The following NCKAP1 variants were observed in gnomAD, a reference collection of about 807,000 sequenced individuals.
The protein encoded by NCKAP1 is nck-associated protein 1.
Under a neutral mutation model 151.2 loss-of-function variants are expected in NCKAP1, and 21 were observed. The observed-to-expected ratio is 0.14, with a 90% confidence interval of 0.10 to 0.20. The LOEUF (loss-of-function observed/expected upper bound fraction) is 0.20. Ranked by LOEUF, NCKAP1 falls within the 10% of genes least tolerant of loss-of-function variation. NCKAP1 has a pLI of 1.00. For missense variants in NCKAP1, 933 were observed against 1,352.1 expected, an observed-to-expected ratio of 0.69 and a Z score of 4.86; for synonymous variants, 484 against 451.8, an observed-to-expected ratio of 1.07 and a Z score of -0.90.
At position 182,956,563 on chromosome 2, in the gene NCKAP1, C is replaced by T; in HGVS notation, c.2052G>A (p.Glu684=). Residue 684 remains glutamate, a synonymous_variant, in exon 20 of 31, where the codon GAG becomes GAA. Transcript: ENST00000361354. ...GTACATAATTTATAGAGAAGCATAA[C>T]TCAGAAAGTGCAGTGTGCAATTTAT... ...NLDKLHTALS[E]LCFSINYVPN... 2 of 1,608,448 alleles carry T rather than the reference C, an allele frequency of 1.2e-6. No individual in the cohort carries two copies. Among genetic ancestry groups the T allele is most frequent in the Non-Finnish European group, 1.7e-6 (2 of 1,177,610 alleles).
chr2:182,928,910 AAAATT>A lies in NCKAP1; in HGVS notation c.2954-16_2954-12del, dbSNP rs1469801545. On this transcript the variant is annotated splice_polypyrimidine_tract_variant and intron_variant, in intron 27 of 30. Transcript: ENST00000361354. ...CTGGACTAATGTTTTCTAAGAGACA[AAAATT>A]AAGAATAAAATCAAGGTATTTCTTC... 6.6e-7 allele frequency: 1 copy of A among 1,509,660 alleles called. No individual in the cohort carries two copies. Among genetic ancestry groups the A allele is most frequent in the South Asian group, 1.2e-5 (1 of 86,406 alleles). 93.5% of individuals were successfully genotyped at this position (1,509,660 alleles called of 1,614,324 possible).
chr2:182,969,631 T>C (rs1697645430), intron 15 of NCKAP1, among the ~76,000 whole-genome samples: 1 of 151,664 alleles, frequency 6.6e-6, no homozygotes, highest in African/African-American at 2.4e-5. Flanking sequence ...CCAAAACCTA[T>C]GGGATACAGC....
At chr2:182,976,776 T>C (rs1027268761) in intron 15 of NCKAP1, 117 bp downstream of exon 15, 1 of 488,228 alleles carries the variant, frequency 2.0e-6, no homozygotes, top group Non-Finnish European at 3.4e-6. Context: ...TTATGGTTAA[T>C]TATACAAAAG....
At chr2:182,939,963 A>C (rs1696962361) in intron 24 of NCKAP1, among the ~76,000 whole-genome samples, 1 of 152,240 alleles carries the variant, frequency 6.6e-6, no homozygotes, top group Non-Finnish European at 1.5e-5. Flanking sequence ...ATGAGTCACC[A>C]TTAATTATTA....
intron 26 of NCKAP1, among the ~76,000 whole-genome samples, chr2:182,933,949 A>G (rs79096460): frequency 0.054 from 8,252 of 152,242 alleles, 296 homozygotes; most frequent in Non-Finnish European, 0.08. Flanking sequence ...TAGATTTTCA[A>G]AACAAAAACT....
At chr2:183,001,928 CAT>C (rs1303412933) in intron 6 of NCKAP1, 23 bp downstream of exon 6, 1 of 1,581,358 alleles carries the variant, frequency 6.3e-7, no homozygotes, top group South Asian at 1.1e-5. Context: ...CCCATTCTCT[CAT>C]ATGCCTAACA....
intron 2 of NCKAP1, among the ~76,000 whole-genome samples, chr2:183,006,082 A>C (rs897037276): frequency 3.3e-5 from 5 of 152,224 alleles, no homozygotes; most frequent in African/African-American, 9.7e-5. Flanking sequence ...CATATCATAC[A>C]GTTCTGGACA....
chr2:182,950,030 G>A (rs189537741), intron 23 of NCKAP1, among the ~76,000 whole-genome samples: 1 of 152,314 alleles, frequency 6.6e-6, no homozygotes, highest in East Asian at 1.9e-4. Flanking sequence ...AGCTTGGTCA[G>A]GAAGGACATT....
At chr2:182,956,983 TTTACCGAATTATTACCCA>T (rs1697341428) in intron 19 of NCKAP1, 1 of 166,120 alleles carries the variant, frequency 6.0e-6, no homozygotes, top group Non-Finnish European at 1.3e-5. Flanking sequence ...ACAAAAAATA[TTTACCGAATTATTACCCA>T]CCTACACCTC....
At chr2:182,930,432 C>T (rs1696739065) in intron 27 of NCKAP1, among the ~76,000 whole-genome samples, 1 of 151,950 alleles carries the variant, frequency 6.6e-6, no homozygotes. Flanking sequence ...CTTAGAATGG[C>T]TCAAGGCTCA....
rs549893193 is a variant in NCKAP1 at position 183,031,557 on chromosome 2, G to A, written c.108+6435C>T. ...AATGTTTCCTAAAAGGTAGTCTTGA[G>A]CTTAATTTAATCTGGGGGTGGGGGG... On this transcript the variant is annotated intron_variant, in intron 1 of 30. Transcript: ENST00000361354. Among the ~76,000 whole-genome samples the A allele has an allele frequency of 2.5e-4, 38 of 152,080 alleles. 1 individual carries two copies. The highest frequency in any genetic ancestry group is 9.2e-4 in the African/African-American group (38 of 41,496).
intron 15 of NCKAP1, among the ~76,000 whole-genome samples, chr2:182,970,317 G>A (rs1004283052): frequency 3.3e-5 from 5 of 152,116 alleles, no homozygotes; most frequent in Admixed American, 6.5e-5. Flanking sequence ...TACACGAAAA[G>A]AAACTACAGG....
chr2:182,964,656 C>G lies in NCKAP1; in HGVS notation c.1761+20G>C. On this transcript the variant is annotated intron_variant, in intron 17 of 30. Coordinates refer to ENST00000361354, the MANE Select transcript of NCKAP1 (RefSeq NM_013436.5). ...TTTACTTTGCATACCATATAACTCA[C>G]AGTAGTACACTATAATTACCTCTTC... 6.4e-7 allele frequency: 1 copy of G among 1,565,612 alleles called. No individual in the cohort carries two copies.
chr2:183,022,631 A>G (rs1698816913), intron 2 of NCKAP1, among the ~76,000 whole-genome samples: 1 of 152,006 alleles, frequency 6.6e-6, no homozygotes, highest in Non-Finnish European at 1.5e-5. Flanking sequence ...TACAAAAACA[A>G]TCTTTTATGA....
chr2:182,930,616 T>C (rs1696743234), intron 27 of NCKAP1, 79 bp downstream of exon 27: 3 of 1,077,286 alleles, frequency 2.8e-6, no homozygotes, highest in Admixed American at 4.3e-5. Flanking sequence ...TTTGAATATA[T>C]GGTTAAATAT....
At position 182,973,462 on chromosome 2, in the gene NCKAP1, T is replaced by G. The variant is rs148350049; in HGVS notation, c.1482+3431A>C. Among the ~76,000 whole-genome samples, 1,025 of 151,968 alleles carry G rather than the reference T, an allele frequency of 6.7e-3. 11 individuals carry two copies. Among genetic ancestry groups the G allele is most frequent in the African/African-American group, 0.024 (982 of 41,448 alleles). ...AGATCACTTAGGAAGTAGAAAAGAATGACAAAAATACAAAGAGAATTCTTA... is the reference window on the plus strand; with the variant it reads ...AGATCACTTAGGAAGTAGAAAAGAAGGACAAAAATACAAAGAGAATTCTTA... On this transcript the variant is annotated intron_variant, in intron 15 of 30. Transcript: ENST00000361354.
chr2:182,974,258 C>CT (rs1491359149), intron 15 of NCKAP1, among the ~76,000 whole-genome samples: 9 of 94,092 alleles, frequency 9.6e-5, no homozygotes, highest in African/African-American at 3.9e-4. Context: ...CCTGTTGTCA[C>CT]TAAAAAAAAA....
chr2:182,967,792 G>A (rs1697604228), intron 15 of NCKAP1, among the ~76,000 whole-genome samples: 1 of 152,122 alleles, frequency 6.6e-6, no homozygotes. Flanking sequence ...CTAAAAACTG[G>A]ATCATATAAT....
At position 182,962,840 on chromosome 2, in the gene NCKAP1, C is replaced by T. The variant is rs1205610967; in HGVS notation, c.1762-562G>A. ...CCCAGGAAGAAAAAAAAAAAAAACG[C>T]TGATCATGCATCCATCTCTACAGGA... is the stretch of plus-strand genomic sequence containing the variant. On this transcript the variant is annotated intron_variant, in intron 17 of 30. Coordinates refer to ENST00000361354, the MANE Select transcript of NCKAP1 (RefSeq NM_013436.5). Among the ~76,000 whole-genome samples, 3 of 150,518 alleles carry T rather than the reference C, an allele frequency of 2.0e-5. No homozygotes were observed. The East Asian group carries it at 5.8e-4, about 29-fold the overall frequency.
Sources: allele counts gnomAD v4.1 joint callset (sites outside exome capture counted in the v4.1 genomes callset), GRCh38; gene constraint gnomAD v4.1.1; transcripts MANE v1.5; gene names NCBI Gene and HGNC (gene_info 2026-07-23, HGNC 2026-07-21).